Variants in DNMT3B observed in about 807,000 individuals in gnomAD.
DNMT3B encodes the protein DNA (cytosine-5)-methyltransferase 3B.
Under a neutral mutation model 120.2 loss-of-function variants are expected in DNMT3B, and 37 were observed. The observed-to-expected ratio is 0.31, with a 90% confidence interval of 0.24 to 0.40. The LOEUF is 0.40. DNMT3B is among the 10% of genes least tolerant of loss of function. DNMT3B has a pLI of 1.00. For synonymous variants in DNMT3B, 412 were observed against 442.8 expected (o/e 0.93, Z 0.87); for missense variants, 878 against 1,137.3 (o/e 0.77, Z 3.28).
At chr20:32,804,344 C>T (rs1981716191) in intron 20 of DNMT3B, among the ~76,000 whole-genome samples, 1 of 152,124 alleles carries the variant, frequency 6.6e-6, no homozygotes, top group Non-Finnish European at 1.5e-5. Flanking sequence ...CCTCAGCTCC[C>T]CTGGGTCCAT....
At chr20:32,782,291 G>A (rs1342699110) in intron 3 of DNMT3B, among the ~76,000 whole-genome samples, 2 of 152,204 alleles carry the variant, frequency 1.3e-5, no homozygotes, top group Non-Finnish European at 2.9e-5. Flanking sequence ...CCTATAGCAA[G>A]GGATCCCCTG....
chr20:32,786,698 A>G lies in DNMT3B; in HGVS notation c.432+71A>G, dbSNP rs572909695. 9.5e-5 allele frequency: 153 copies of G among 1,606,488 alleles called. 1 individual carries two copies. In the African/African-American group the frequency reaches 1.8e-3, roughly 19 times the overall value. Reference sequence around the variant, plus strand: ...GGAGATATGCCTCACTCACTGCACTACTGGTTGTGGCTGGTAGATAATCTG... The same window carrying G: ...GGAGATATGCCTCACTCACTGCACTGCTGGTTGTGGCTGGTAGATAATCTG... On this transcript the variant is annotated intron_variant, in intron 5 of 22. Coordinates refer to ENST00000328111, the MANE Select transcript of DNMT3B (RefSeq NM_006892.4).
intron 1 of DNMT3B, among the ~76,000 whole-genome samples, chr20:32,773,070 C>T (rs940053646): frequency 3.2e-4 from 49 of 151,586 alleles, no homozygotes; most frequent in African/African-American, 1.2e-3. Context: ...CCGCCCTCCT[C>T]GGCCTCCCAA....
intron 12 of DNMT3B, among the ~76,000 whole-genome samples, chr20:32,796,542 G>C (rs1339545614): frequency 6.6e-6 from 1 of 152,196 alleles, no homozygotes; most frequent in Non-Finnish European, 1.5e-5. Flanking sequence ...CCCCTGCTCA[G>C]CGTTCTGCCT....
chr20:32,765,422 C>CTTTTTTT (rs201623266), intron 1 of DNMT3B, among the ~76,000 whole-genome samples: 5 of 121,308 alleles, frequency 4.1e-5, no homozygotes, highest in East Asian at 3.8e-4. Context: ...CTCTTTTTTT[C>CTTTTTTT]TTTCTTTTTT....
chr20:32,799,450 C>T (rs1276290279), intron 16 of DNMT3B, 122 bp downstream of exon 16: 5 of 1,132,826 alleles, frequency 4.4e-6, no homozygotes, highest in Non-Finnish European at 6.4e-6. Context: ...GATTACCAGC[C>T]CTGAAAAAAA....
chr20:32,764,589 CG>C (rs1232410358), intron 1 of DNMT3B, among the ~76,000 whole-genome samples: 1 of 152,148 alleles, frequency 6.6e-6, no homozygotes, highest in Non-Finnish European at 1.5e-5. Context: ...TGTTCCCTTT[CG>C]AACGGAGTCT....
At chr20:32,800,785 C>T in intron 17 of DNMT3B, 50 bp from the exon 18 acceptor site, 1 of 1,596,270 alleles carries the variant, frequency 6.3e-7, no homozygotes. Context: ...GGGTCCAGCT[C>T]TCTTTCCCTC....
intron 3 of DNMT3B, among the ~76,000 whole-genome samples, chr20:32,782,670 ATTAG>A (rs1568833896): frequency 6.6e-6 from 1 of 152,210 alleles, no homozygotes; most frequent in Admixed American, 6.5e-5. Context: ...CTATTTTATT[ATTAG>A]TTGTTAATCT....
rs957001734 is a variant in DNMT3B, at chr20:32,795,708, C to G, written c.1297+14C>G. 6.2e-7 allele frequency: 1 copy of G among 1,613,886 alleles called. No homozygotes were observed. The highest frequency in any genetic ancestry group is 8.5e-7 in the Non-Finnish European group (1 of 1,180,022). ...GCAGCCTGGAAGGTAACGTTCTCTCCCTCCCAGTCATCCCCCTCACACCCT... is the reference window on the plus strand; with the variant it reads ...GCAGCCTGGAAGGTAACGTTCTCTCGCTCCCAGTCATCCCCCTCACACCCT... On this transcript the variant is annotated intron_variant, in intron 12 of 22. Transcript: ENST00000328111.
chr20:32,787,547 G>C, intron 6 of DNMT3B, 96 bp downstream of exon 6: 1 of 1,331,086 alleles, frequency 7.5e-7, no homozygotes, highest in Admixed American at 2.0e-5. Context: ...AGCGACAACA[G>C]TTGTTAGAAG....
intron 20 of DNMT3B, among the ~76,000 whole-genome samples, chr20:32,804,905 A>G (rs1981797528): frequency 6.6e-6 from 1 of 152,082 alleles, no homozygotes; most frequent in Non-Finnish European, 1.5e-5. Context: ...GCAGTGAGCC[A>G]CCAAACCGTG....
At chr20:32,787,573 A>G (rs1452567978) in intron 6 of DNMT3B, 122 bp downstream of exon 6, 10 of 1,130,358 alleles carry the variant, frequency 8.8e-6, no homozygotes, top group African/African-American at 1.5e-5. Flanking sequence ...TAATTGTAAT[A>G]ATTGACATGT....
intron 7 of DNMT3B, among the ~76,000 whole-genome samples, chr20:32,789,249 T>C (rs1487841250): frequency 6.6e-6 from 1 of 152,230 alleles, no homozygotes; most frequent in African/African-American, 2.4e-5. Flanking sequence ...ATGTTATTTC[T>C]TAGATTTATC....
rs375860739 is a variant in DNMT3B, at chr20:32,795,549, C to G, written c.1252+15C>G. The G allele has an allele frequency of 2.5e-6, 4 of 1,613,970 alleles. No individual in the cohort carries two copies. The African/African-American group carries it at 5.3e-5, about 22-fold the overall frequency. On this transcript the variant is annotated intron_variant, in intron 11 of 22. Coordinates refer to ENST00000328111, the MANE Select transcript of DNMT3B (RefSeq NM_006892.4). ...TCAGAGCCGAGGTGATTGTTGGGTA[C>G]CTGGGATCATGGGACAGATGGGAGG...
intron 7 of DNMT3B, 79 bp from the exon 8 acceptor site, chr20:32,791,522 T>G: frequency 7.4e-7 from 1 of 1,355,352 alleles, no homozygotes; most frequent in Non-Finnish European, 1.0e-6. Flanking sequence ...ATCTTCTGCA[T>G]CTGATGGACA....
chr20:32,802,810 G>A (rs118057527), intron 20 of DNMT3B, among the ~76,000 whole-genome samples: 2,451 of 152,214 alleles, frequency 0.016, 45 homozygotes, highest in Non-Finnish European at 0.027. Flanking sequence ...GACTAGCCTG[G>A]GCAACAAAGT....
Position 32,786,576 on chromosome 20 carries a change from G to A in DNMT3B, c.381G>A (p.Arg127=). The A allele has an allele frequency of 6.2e-7, 1 of 1,613,944 alleles. No homozygotes were observed. Among genetic ancestry groups the A allele is most frequent in the Non-Finnish European group, 8.5e-7 (1 of 1,180,046 alleles). The change falls in exon 5 of 23, where the codon CGG becomes CGA. Residue 127 remains arginine (R), a synonymous_variant. Coordinates refer to ENST00000328111, the MANE Select transcript of DNMT3B (RefSeq NM_006892.4). Reference sequence around the variant, plus strand: ...CTTCCCCACGTTCCACCCGAGGCCGGCAGGGCCGCAACCATGTGGACGAGT... The same window carrying A: ...CTTCCCCACGTTCCACCCGAGGCCGACAGGGCCGCAACCATGTGGACGAGT... The part of the protein sequence containing the change: ...HRPSPRSTRG[R]QGRNHVDESP...
chr20:32,794,599 G>A (rs1371016378), intron 10 of DNMT3B, among the ~76,000 whole-genome samples: 1 of 151,952 alleles, frequency 6.6e-6, no homozygotes, highest in Non-Finnish European at 1.5e-5. Context: ...AGGAGGCGGA[G>A]GTTGCAGTGA....
Sources: allele counts gnomAD v4.1 joint callset (sites outside exome capture counted in the v4.1 genomes callset), GRCh38; gene constraint gnomAD v4.1.1; transcripts MANE v1.5; gene names NCBI Gene and HGNC (gene_info 2026-07-23, HGNC 2026-07-21).